The following GRIP1 variants were observed in gnomAD, a reference collection of about 807,000 sequenced individuals.
GRIP1 encodes glutamate receptor-interacting protein 1.
In GRIP1, 45 loss-of-function variants were observed where a neutral mutation model predicts 129.9. The ratio of observed to expected loss-of-function variants is 0.35; its 90% CI spans 0.27 to 0.44. GRIP1 has a LOEUF of 0.44. GRIP1 is among the 20% of genes least tolerant of loss of function. The pLI, the probability that GRIP1 is intolerant of heterozygous loss-of-function variation, is 1.00. For synonymous variants in GRIP1, 530 were observed against 520.8 expected (o/e 1.02, Z -0.24); for missense variants, 1,196 against 1,396.8 (o/e 0.86, Z 2.29).
intron 1 of GRIP1, among the ~76,000 whole-genome samples, chr12:66,928,564 T>G (rs532188602): frequency 1.3e-5 from 2 of 152,184 alleles, no homozygotes; most frequent in Non-Finnish European, 2.9e-5. Flanking sequence ...CATTCAAGAA[T>G]GAAGAGCCTT....
chr12:66,355,531 C>T (rs2054446666), intron 23 of GRIP1, among the ~76,000 whole-genome samples: 11 of 152,136 alleles, frequency 7.2e-5, no homozygotes, highest in Admixed American at 7.2e-4. Flanking sequence ...GTGTGTGTAG[C>T]CTAGTGACAC....
chr12:66,582,760 T>C (rs1302736596), intron 2 of GRIP1, among the ~76,000 whole-genome samples: 14 of 144,714 alleles, frequency 9.7e-5, no homozygotes, highest in African/African-American at 2.8e-4. Context: ...TAAAAGAGGA[T>C]ACAAACAAAT....
At chr12:66,372,472 G>A (rs1309976390) in intron 22 of GRIP1, 7 of 163,380 alleles carry the variant, frequency 4.3e-5, no homozygotes, top group Admixed American at 3.4e-4. Flanking sequence ...CTTTCCTTTG[G>A]CCAAGTGGCC....
At chr12:66,932,771 C>T (rs375741042) in intron 1 of GRIP1, among the ~76,000 whole-genome samples, 26 of 152,154 alleles carry the variant, frequency 1.7e-4, no homozygotes, top group South Asian at 1.2e-3. Flanking sequence ...TGGGTTCAAG[C>T]GATTCTCCTG....
chr12:66,681,386 C>T (rs918593255), upstream of GRIP1, among the ~76,000 whole-genome samples: 11 of 152,118 alleles, frequency 7.2e-5, no homozygotes, highest in Admixed American at 4.6e-4. Flanking sequence ...TGAACTCTAG[C>T]ACTGGTAAAA....
chr12:67,036,004 C>T (rs1217040250), intron 1 of GRIP1, among the ~76,000 whole-genome samples: 1 of 152,114 alleles, frequency 6.6e-6, no homozygotes. Flanking sequence ...AAATCAGTTG[C>T]AACATGCACT....
chr12:66,804,470 A>C (rs774289952), upstream of GRIP1, among the ~76,000 whole-genome samples: 2 of 152,214 alleles, frequency 1.3e-5, no homozygotes, highest in Non-Finnish European at 2.9e-5. Flanking sequence ...AAGAAAATGA[A>C]ATGGTAATAA....
intron 1 of GRIP1, among the ~76,000 whole-genome samples, chr12:66,963,698 G>A (rs1294223633): frequency 2.0e-5 from 3 of 151,656 alleles, no homozygotes; most frequent in African/African-American, 4.8e-5. Flanking sequence ...CATCTTCTGC[G>A]TCTACACCTT....
intron 13 of GRIP1, among the ~76,000 whole-genome samples, chr12:66,436,495 C>G (rs974349784): frequency 6.6e-6 from 1 of 151,996 alleles, no homozygotes; most frequent in South Asian, 2.1e-4. Flanking sequence ...CAGTAACAAA[C>G]AAGGCAAAAT....
rs532930774 is a variant in GRIP1, at chr12:66,753,313, T to C, written c.-420+50740A>G. 2.7e-5 allele frequency among the ~76,000 whole-genome samples: 4 copies of C among 145,570 alleles called. No homozygotes were observed. The South Asian group carries it at 9.0e-4, about 33-fold the overall frequency. On this transcript the variant is annotated intron_variant, in intron 1 of 4. Coordinates refer to the GRIP1 transcript ENST00000538373. Reference sequence around the variant, plus strand: ...GGCTACGTATATGAATCATAGAAAATAAAATGTGAATGGAAGGAATGGGGC... The same window carrying C: ...GGCTACGTATATGAATCATAGAAAACAAAATGTGAATGGAAGGAATGGGGC...
chr12:66,928,743 T>A (rs960506951), intron 1 of GRIP1, among the ~76,000 whole-genome samples: 1 of 152,230 alleles, frequency 6.6e-6, no homozygotes, highest in Non-Finnish European at 1.5e-5. Context: ...GGCATTTGAC[T>A]TTTTAATCTT....
intron 16 of GRIP1, among the ~76,000 whole-genome samples, chr12:66,401,243 C>CAAA (rs2056976002): frequency 6.6e-6 from 1 of 152,056 alleles, no homozygotes; most frequent in Non-Finnish European, 1.5e-5. Flanking sequence ...ATTCATTGGG[C>CAAA]CTCACTAGGT....
intron 5 of GRIP1, among the ~76,000 whole-genome samples, chr12:66,522,666 T>A (rs185343039): frequency 1.3e-5 from 2 of 152,122 alleles, no homozygotes; most frequent in Admixed American, 1.3e-4. Context: ...TCACCAGCAA[T>A]GGAACAGAGC....
intron 1 of GRIP1, among the ~76,000 whole-genome samples, chr12:67,050,465 T>C (rs987133998): frequency 6.6e-6 from 1 of 152,178 alleles, no homozygotes; most frequent in Non-Finnish European, 1.5e-5. Flanking sequence ...TAGAACAGCA[T>C]ATGACATGTA....
intron 1 of GRIP1, among the ~76,000 whole-genome samples, chr12:66,972,117 T>C (rs1049371631): frequency 3.3e-5 from 5 of 152,220 alleles, no homozygotes; most frequent in Admixed American, 1.3e-4. Context: ...TGTGGGTCTT[T>C]GGGCAAAACT....
At chr12:66,924,097 G>A (rs1025599024) in intron 1 of GRIP1, among the ~76,000 whole-genome samples, 5 of 151,946 alleles carry the variant, frequency 3.3e-5, no homozygotes, top group African/African-American at 7.3e-5. Flanking sequence ...CACCCCCCTC[G>A]GCCTCCCAAA....
At chr12:66,633,442 C>T (rs74661360) in intron 1 of GRIP1, among the ~76,000 whole-genome samples, 9,611 of 151,500 alleles carry the variant, frequency 0.063, 476 homozygotes, top group African/African-American at 0.13. Flanking sequence ...TGGGCTAATG[C>T]GCCCAGCCAA....
intron 1 of GRIP1, among the ~76,000 whole-genome samples, chr12:66,897,677 C>A (rs1017085032): frequency 6.6e-6 from 1 of 152,206 alleles, no homozygotes; most frequent in Non-Finnish European, 1.5e-5. Context: ...GGTAACAGAT[C>A]CAATTATGGC....
chr12:66,985,417 T>A (rs1566106507), intron 1 of GRIP1, among the ~76,000 whole-genome samples: 1 of 152,112 alleles, frequency 6.6e-6, no homozygotes, highest in South Asian at 2.1e-4. Flanking sequence ...ATAAATAAAT[T>A]AAATAAGTGA....
Sources: allele counts gnomAD v4.1 joint callset (sites outside exome capture counted in the v4.1 genomes callset), GRCh38; gene constraint gnomAD v4.1.1; transcripts MANE v1.5; gene names NCBI Gene and HGNC (gene_info 2026-07-23, HGNC 2026-07-21).